SLC26A3: variants seen among roughly 807,000 people sequenced by gnomAD.
The protein encoded by SLC26A3 is chloride anion exchanger.
A neutral mutation model predicts 85.6 loss-of-function variants in SLC26A3; 64 were observed. That is an observed-to-expected ratio of 0.75 (90% confidence interval 0.61 to 0.92). The LOEUF (loss-of-function observed/expected upper bound fraction) is 0.92, where lower values mean the gene tolerates loss of function less well. Ranked by LOEUF, SLC26A3 falls within the 40% of genes least tolerant of loss-of-function variation. The pLI is 0.00. For missense variants in SLC26A3, 922 were observed against 927.3 expected (o/e 0.99, Z 0.07); for synonymous variants, 349 against 336.0 (o/e 1.04, Z -0.42).
rs749952119 is a variant in SLC26A3, at chr7:107,791,094, C to G, written c.524G>C (p.Arg175Thr). 1 of 1,614,190 alleles carries G rather than the reference C, an allele frequency of 6.2e-7. No homozygotes were observed. Among genetic ancestry groups the G allele is most frequent in the South Asian group, 1.1e-5 (1 of 91,088 alleles). Residue 175 changes from arginine (R) to threonine (T), a missense_variant, in exon 5 of 21, where the codon AGG becomes ACG. Physicochemically the swap from Arg to Thr is moderately conservative, Grantham distance 71. Coordinates refer to ENST00000340010, the MANE Select transcript of SLC26A3 (RefSeq NM_000111.3). Reference protein sequence around the residue: ...NSSLLDDERVRVAAAASVTVL... With the variant: ...NSSLLDDERVTVAAAASVTVL... The stretch of plus-strand genomic sequence containing the variant: ...TGTGACTGATGCCGCCGCCGCCACC[C>G]TCACCCTCTCGTCATCCAGTAGTGA...
intron 20 of SLC26A3, among the ~76,000 whole-genome samples, chr7:107,766,547 A>G (rs191304325): frequency 4.3e-4 from 65 of 152,264 alleles, no homozygotes; most frequent in African/African-American, 1.2e-3. Flanking sequence ...ATTTTCTAGA[A>G]TGGCCTTTTC....
chr7:107,779,675 T>A lies in SLC26A3; in HGVS notation c.1400A>T (p.Tyr467Phe). Residue 467 changes from tyrosine (Y) to phenylalanine (F), a missense_variant, in exon 12 of 21, where the codon TAT becomes TTT. Coordinates refer to ENST00000340010, the MANE Select transcript of SLC26A3 (RefSeq NM_000111.3). The stretch of plus-strand genomic sequence containing the variant: ...ACTATTGCCTCTACTTACACAATCA[T>A]ATTTGTCCTTTCGCCACAATCTGCC... ...EIGRLWRKDK[Y>F]DCLIWIMTFI... The A allele has an allele frequency of 4.3e-6, 7 of 1,612,600 alleles. No homozygotes were observed. Among genetic ancestry groups the A allele is most frequent in the Non-Finnish European group, 5.9e-6 (7 of 1,178,654 alleles).
In SLC26A3 at chr7:107,794,533, C is replaced by T. The variant is rs1794462978; in HGVS notation, c.-24G>A. The T allele has an allele frequency of 6.2e-7, 1 of 1,613,594 alleles. No homozygotes were observed. Among genetic ancestry groups the T allele is most frequent in the African/African-American group, 1.3e-5 (1 of 74,906 alleles). On this transcript the variant is annotated 5_prime_UTR_variant, in exon 2 of 21. Transcript: ENST00000340010. Reference sequence around the variant, plus strand: ...ATTTTGATTTTTCTGTTGGCTGTGGCAAGTTGAAGACCTTTGCAACTATGT... The same window carrying T: ...ATTTTGATTTTTCTGTTGGCTGTGGTAAGTTGAAGACCTTTGCAACTATGT...
In SLC26A3 at chr7:107,791,833, C is replaced by A. The variant is rs142116047; in HGVS notation, c.379G>T (p.Val127Leu). The change falls in exon 4 of 21, where the codon GTG becomes TTG. Residue 127 changes from valine to leucine, a missense_variant. Physicochemically the swap from Val to Leu is conservative, Grantham distance 32. Coordinates refer to ENST00000340010, the MANE Select transcript of SLC26A3 (RefSeq NM_000111.3). ...ATCAGCTCAGTAACTGACTTACCCA[C>A]GGATATGTGTCTGGAAGTGCCGAAG... ...LFFGTSRHIS[V>L]GPFPILSMMV... The A allele has an allele frequency of 2.8e-5, 45 of 1,596,724 alleles. No individual in the cohort carries two copies. The highest frequency in any genetic ancestry group is 3.6e-5 in the Non-Finnish European group (42 of 1,164,506).
At chr7:107,795,831 A>G (rs897241389) in intron 1 of SLC26A3, among the ~76,000 whole-genome samples, 1 of 152,050 alleles carries the variant, frequency 6.6e-6, no homozygotes, top group Non-Finnish European at 1.5e-5. Flanking sequence ...ACTAGATAGT[A>G]TCTTGTTACA....
chr7:107,770,667 G>A (rs1261273134), intron 18 of SLC26A3, among the ~76,000 whole-genome samples: 1 of 152,134 alleles, frequency 6.6e-6, no homozygotes, highest in Non-Finnish European at 1.5e-5. Context: ...TGAGGACAGA[G>A]GCTTGTCAGA....
chr7:107,796,178 G>T (rs1030042616), intron 1 of SLC26A3, among the ~76,000 whole-genome samples: 5 of 151,848 alleles, frequency 3.3e-5, no homozygotes, highest in Admixed American at 6.6e-5. Flanking sequence ...TGCAATCATA[G>T]CTCACTATGG....
intron 8 of SLC26A3, among the ~76,000 whole-genome samples, chr7:107,786,249 G>A (rs942471911): frequency 6.6e-6 from 1 of 152,138 alleles, no homozygotes; most frequent in Non-Finnish European, 1.5e-5. Flanking sequence ...TATGGACAAG[G>A]AAATCTGGTT....
At chr7:107,790,306 C>T (rs1030924421) in intron 5 of SLC26A3, among the ~76,000 whole-genome samples, 25 of 152,306 alleles carry the variant, frequency 1.6e-4, no homozygotes, top group South Asian at 2.1e-4. Flanking sequence ...ATCTCCAGAA[C>T]GCAGCCAGAG....
Position 107,776,265 on chromosome 7 carries a change from C to T in SLC26A3, c.1677+187G>A, listed in dbSNP as rs561445161. ...ATGTCATCTGAAGAGGCTTATTTCC[C>T]AACCTATTAACAAACTCCCCATAAG... On this transcript the variant is annotated intron_variant, in intron 15 of 20. Coordinates refer to ENST00000340010, the MANE Select transcript of SLC26A3 (RefSeq NM_000111.3). The T allele has an allele frequency of 2.7e-5, 17 of 628,286 alleles. 1 individual carries two copies. In the East Asian group the frequency reaches 3.6e-4, roughly 13 times the overall value. 38.9% of individuals were successfully genotyped at this position (628,286 alleles called of 1,614,324 possible).
At chr7:107,778,359 A>ATTTTTTTTTTT (rs1794155924) in intron 12 of SLC26A3, 78 bp from the exon 13 acceptor site, 30 of 452,936 alleles carry the variant, frequency 6.6e-5, no homozygotes, top group African/African-American at 2.0e-4. Flanking sequence ...TTTTAAAAAG[A>ATTTTTTTTTTT]CTTTTTTTTT....
At position 107,766,847 on chromosome 7, in the gene SLC26A3, A is replaced by T. The variant is rs145662203; in HGVS notation, c.2271+732T>A. ...TGGGGTCACTTGGTATGTGACCTCA[A>T]GCAGATTAGTTAAGCTCTCTGAGCC... On this transcript the variant is annotated intron_variant, in intron 20 of 20. Coordinates refer to ENST00000340010, the MANE Select transcript of SLC26A3 (RefSeq NM_000111.3). Among the ~76,000 whole-genome samples, 24 of 151,862 alleles carry T rather than the reference A, an allele frequency of 1.6e-4. No individual in the cohort carries two copies. In the East Asian group the frequency reaches 4.1e-3, roughly 26 times the overall value.
At chr7:107,776,589 T>C in intron 14 of SLC26A3, 45 bp from the exon 15 acceptor site, 2 of 1,606,838 alleles carry the variant, frequency 1.2e-6, no homozygotes, top group Non-Finnish European at 1.7e-6. Context: ...ATTAGATCCA[T>C]AGTTAATATC....
chr7:107,787,197 A>G (rs1794311528), intron 7 of SLC26A3, among the ~76,000 whole-genome samples, 160 bp downstream of exon 7: 1 of 152,236 alleles, frequency 6.6e-6, no homozygotes, highest in Non-Finnish European at 1.5e-5. Context: ...AGAGGAAGTT[A>G]TTAAATTCTG....
chr7:107,793,920 C>G (rs1473183187), intron 2 of SLC26A3, 39 bp from the exon 3 acceptor site: 1 of 1,613,620 alleles, frequency 6.2e-7, no homozygotes, highest in South Asian at 1.1e-5. Flanking sequence ...CAATTAATAT[C>G]AAATTTTAAG....
chr7:107,767,018 A>G (rs1793928027), intron 20 of SLC26A3, among the ~76,000 whole-genome samples: 1 of 152,186 alleles, frequency 6.6e-6, no homozygotes, highest in Non-Finnish European at 1.5e-5. Context: ...ACTTTTCCCA[A>G]ACTAGAAACA....
chr7:107,770,708 G>A lies in SLC26A3; in HGVS notation c.2062+1346C>T, dbSNP rs548258415. Among the ~76,000 whole-genome samples, 15 of 152,278 alleles carry A rather than the reference G, an allele frequency of 9.9e-5. No homozygotes were observed. In the South Asian group the frequency reaches 2.9e-3, roughly 29 times the overall value. On this transcript the variant is annotated intron_variant, in intron 18 of 20. Coordinates refer to ENST00000340010, the MANE Select transcript of SLC26A3 (RefSeq NM_000111.3). ...TGCTATATTCCCAGCACCCAGAACTGTGCCTGATAAATAGTAGGTATTCAA... is the reference window on the plus strand; with the variant it reads ...TGCTATATTCCCAGCACCCAGAACTATGCCTGATAAATAGTAGGTATTCAA...
At chr7:107,788,229 A>G (rs1405544622) in intron 6 of SLC26A3, among the ~76,000 whole-genome samples, 1 of 152,148 alleles carries the variant, frequency 6.6e-6, no homozygotes, top group African/African-American at 2.4e-5. Context: ...AATCAAACAC[A>G]TCTACCATCG....
At chr7:107,788,790 T>C (rs1186071805) in intron 6 of SLC26A3, among the ~76,000 whole-genome samples, 3 of 145,148 alleles carry the variant, frequency 2.1e-5, no homozygotes, top group African/African-American at 5.0e-5. Context: ...TTTTCTTTTT[T>C]TTTTTTTTTT....
Sources: gnomAD v4.1 joint callset for allele counts (sites outside exome capture counted in the v4.1 genomes callset) on GRCh38, gnomAD v4.1.1 for gene constraint, MANE v1.5 for transcripts, NCBI Gene and HGNC (gene_info 2026-07-23, HGNC 2026-07-21) for gene names.